Variants in ZHX2 observed in about 807,000 individuals in gnomAD.
ZHX2 encodes the protein zinc fingers and homeoboxes protein 2.
Under a neutral mutation model 21.9 loss-of-function variants are expected in ZHX2, and 6 were observed. The observed-to-expected ratio is 0.27, with a 90% CI of 0.15 to 0.54. The LOEUF (loss-of-function observed/expected upper bound fraction) is 0.54. ZHX2 is among the 20% of genes least tolerant of loss of function. ZHX2 has a pLI of 0.95. For missense variants in ZHX2, 908 were observed against 1,090.7 expected (o/e 0.83, Z 2.36); for synonymous variants, 434 against 437.1 (o/e 0.99, Z 0.09).
intron 1 of ZHX2, among the ~76,000 whole-genome samples, chr8:122,802,120 G>C (rs1286690042): frequency 6.6e-6 from 1 of 152,160 alleles, no homozygotes; most frequent in Non-Finnish European, 1.5e-5. Flanking sequence ...CTGGAGTGCA[G>C]TGGCACAATC....
chr8:122,806,125 C>T (rs780969545), intron 1 of ZHX2, among the ~76,000 whole-genome samples: 19 of 152,160 alleles, frequency 1.2e-4, no homozygotes, highest in Admixed American at 9.8e-4. Context: ...TTTTACTTAC[C>T]TGCAAGCTTT....
In ZHX2 at chr8:122,872,388, T is replaced by G. The variant is rs115215198; in HGVS notation, c.-220+8849T>G. Among the ~76,000 whole-genome samples, 169 of 152,306 alleles carry G rather than the reference T, an allele frequency of 1.1e-3. 5 individuals carry two copies. Among genetic ancestry groups the G allele is most frequent in the Admixed American group, 4.3e-3 (66 of 15,302 alleles). ...AACCCTGTTGTAGGCATTTGGTCCA[T>G]CTACAGATTCAGGGGCAAGTTCCAA... On this transcript the variant is annotated intron_variant, in intron 2 of 3. Coordinates refer to ENST00000314393, the MANE Select transcript of ZHX2 (RefSeq NM_014943.5).
chr8:122,929,112 C>T (rs1015626686), intron 2 of ZHX2, among the ~76,000 whole-genome samples: 1 of 152,038 alleles, frequency 6.6e-6, no homozygotes, highest in Admixed American at 6.5e-5. Context: ...TTTTCTTTTA[C>T]TTCTGAAATG....
At chr8:122,938,030 G>C (rs1470899837) in intron 2 of ZHX2, among the ~76,000 whole-genome samples, 3 of 133,796 alleles carry the variant, frequency 2.2e-5, no homozygotes, top group African/African-American at 5.6e-5. Context: ...CCGCCTCCCG[G>C]GTTCAAGAGA....
intron 2 of ZHX2, among the ~76,000 whole-genome samples, chr8:122,935,778 G>A (rs776018866): frequency 7.2e-5 from 11 of 151,858 alleles, no homozygotes; most frequent in Admixed American, 3.9e-4. Context: ...CTCGTGATCC[G>A]CCCACCTCAG....
chr8:122,788,521 CACGT>C (rs1262359103), intron 1 of ZHX2, among the ~76,000 whole-genome samples: 1 of 152,188 alleles, frequency 6.6e-6, no homozygotes, highest in Non-Finnish European at 1.5e-5. Context: ...AAGCCATGAT[CACGT>C]CACTGCACTC....
intron 1 of ZHX2, among the ~76,000 whole-genome samples, chr8:122,832,955 C>T (rs1818411730): frequency 6.6e-6 from 1 of 151,902 alleles, no homozygotes. Flanking sequence ...GGAGAGTGGA[C>T]GGTTTTAGGG....
At chr8:122,818,510 C>T (rs1428710234) in intron 1 of ZHX2, among the ~76,000 whole-genome samples, 5 of 152,092 alleles carry the variant, frequency 3.3e-5, no homozygotes, top group Admixed American at 2.6e-4. Context: ...CCTAGTTTCT[C>T]GCCCCTCAGA....
intron 2 of ZHX2, among the ~76,000 whole-genome samples, chr8:122,923,717 A>T (rs1348272124): frequency 6.6e-6 from 1 of 152,198 alleles, no homozygotes; most frequent in Non-Finnish European, 1.5e-5. Flanking sequence ...AAGAGGCAGG[A>T]CCAACATCAC....
At position 122,782,125 on chromosome 8, in the gene ZHX2, A is replaced by AGG. The variant is rs71310622; in HGVS notation, c.-283+187_-283+188dup. Reference sequence around the variant, plus strand: ...TTTGTGATTGGAAGGGGGGTACGGAAGGGGGGGGGTGTGCAGGCTCTTTTT... The same window carrying AGG: ...TTTGTGATTGGAAGGGGGGTACGGAAGGGGGGGGGGGTGTGCAGGCTCTTTTT... On this transcript the variant is annotated intron_variant, in intron 1 of 3. Transcript: ENST00000314393. This position sits in a 1 kb window ranked among gnomAD's most constrained non-coding sequence, Gnocchi z 5.3. 1.5e-3 allele frequency among the ~76,000 whole-genome samples: 138 copies of AGG among 92,642 alleles called. 2 individuals carry two copies. The highest frequency in any genetic ancestry group is 0.014 in the Middle Eastern group (3 of 208). 60.8% of individuals were successfully genotyped at this position (92,642 alleles called of 152,430 possible). A position where few individuals can be genotyped will look rare whatever the true frequency, so the allele number is the denominator to read the frequency against.
Position 122,897,873 on chromosome 8 carries a change from A to G in ZHX2, c.-220+34334A>G, listed in dbSNP as rs184308524. ...TCAGGACAGCTTTGTTCTTCTTGCC[A>G]GATGTGGTGGCCTAGATCGCTGAAA... On this transcript the variant is annotated intron_variant, in intron 2 of 3. Coordinates refer to ENST00000314393, the MANE Select transcript of ZHX2 (RefSeq NM_014943.5). 2.9e-3 allele frequency among the ~76,000 whole-genome samples: 448 copies of G among 152,260 alleles called. 1 individual carries two copies. Among genetic ancestry groups the G allele is most frequent in the Middle Eastern group, 0.01 (3 of 294 alleles).
intron 1 of ZHX2, among the ~76,000 whole-genome samples, chr8:122,798,915 A>G: frequency 6.6e-6 from 1 of 152,218 alleles, no homozygotes. Context: ...CCTGTGTTGA[A>G]CAGTCAGCCA....
chr8:122,838,503 T>TAAA (rs1221881308), intron 1 of ZHX2, among the ~76,000 whole-genome samples: 1 of 150,770 alleles, frequency 6.6e-6, no homozygotes, highest in Non-Finnish European at 1.5e-5. Flanking sequence ...AACAATTAAA[T>TAAA]AAATAAATGG....
intron 1 of ZHX2, among the ~76,000 whole-genome samples, chr8:122,832,794 G>A (rs1303800045): frequency 2.0e-5 from 3 of 152,148 alleles, no homozygotes; most frequent in Non-Finnish European, 4.4e-5. Flanking sequence ...GTAAGAGCTA[G>A]GCCTAGATAG....
At chr8:122,907,525 C>G (rs1395148913) in intron 2 of ZHX2, among the ~76,000 whole-genome samples, 1 of 152,152 alleles carries the variant, frequency 6.6e-6, no homozygotes, top group African/African-American at 2.4e-5. Flanking sequence ...TAAGCAGTTT[C>G]CAGCTTGAGT....
intron 1 of ZHX2, among the ~76,000 whole-genome samples, chr8:122,858,642 T>C (rs1419183599): frequency 4.8e-5 from 7 of 144,598 alleles, no homozygotes; most frequent in South Asian, 4.5e-4. Flanking sequence ...TTCTTTCTTT[T>C]TTTTTTTTTT....
chr8:122,891,270 T>G lies in ZHX2; in HGVS notation c.-220+27731T>G, dbSNP rs6470123. Among the ~76,000 whole-genome samples, 226 of 77,728 alleles carry G rather than the reference T, an allele frequency of 2.9e-3. 19 individuals are homozygous for G. The highest frequency in any genetic ancestry group is 6.1e-3 in the East Asian group (14 of 2,288). The allele number at this position is 77,728 out of a possible 152,430, so 51.0% of individuals were successfully genotyped here. A position where few individuals can be genotyped will look rare whatever the true frequency, so the allele number is the denominator to read the frequency against. On this transcript the variant is annotated intron_variant, in intron 2 of 3. Transcript: ENST00000314393. ...TTCTTCCTGGTTCAATCTTGGTAGA[T>G]TGTGTGTGTGTGTGTGTGTGTGTGT...
In ZHX2 at chr8:122,853,283, C is replaced by A. The variant is rs115571018; in HGVS notation, c.-282-10194C>A. 7.5e-3 allele frequency among the ~76,000 whole-genome samples: 1,143 copies of A among 152,250 alleles called. 21 individuals carry two copies. Among genetic ancestry groups the A allele is most frequent in the African/African-American group, 0.024 (1,017 of 41,534 alleles). On this transcript the variant is annotated intron_variant, in intron 1 of 3. Coordinates refer to ENST00000314393, the MANE Select transcript of ZHX2 (RefSeq NM_014943.5). Reference sequence around the variant, plus strand: ...GAATTTTTCTGGGGGCTTTTCACATCGTATTTCCTTCTGATCCCCACAACT... The same window carrying A: ...GAATTTTTCTGGGGGCTTTTCACATAGTATTTCCTTCTGATCCCCACAACT...
intron 1 of ZHX2, among the ~76,000 whole-genome samples, chr8:122,830,379 G>A (rs1363671504): frequency 6.6e-6 from 1 of 152,188 alleles, no homozygotes; most frequent in East Asian, 1.9e-4. Context: ...TTGGGACTGG[G>A]CCTGAGAAGG....
Sources: gnomAD v4.1 joint callset for allele counts (sites outside exome capture counted in the v4.1 genomes callset) on GRCh38, gnomAD v4.1.1 for gene constraint, Gnocchi (gnomAD v3.1) non-coding constraint, MANE v1.5 for transcripts, NCBI Gene and HGNC (gene_info 2026-07-23, HGNC 2026-07-21) for gene names.